Variants in CCNY observed in about 807,000 individuals in gnomAD.
CCNY encodes cyclin-Y.
CCNY carries 19 observed loss-of-function variants against 42.8 expected under a neutral mutation model. The observed-to-expected ratio is 0.44, with a 90% confidence interval of 0.31 to 0.65. The LOEUF (loss-of-function observed/expected upper bound fraction) is 0.65, where lower values mean the gene tolerates loss of function less well. Among genes scored for constraint, CCNY ranks in the 30% least tolerant of loss-of-function variants. The pLI is 0.07. For missense variants in CCNY, 370 were observed against 437.3 expected, an observed-to-expected ratio of 0.85 and a Z score of 1.37; for synonymous variants, 165 against 162.7, an observed-to-expected ratio of 1.01 and a Z score of -0.11.
intron 3 of CCNY, among the ~76,000 whole-genome samples, chr10:35,311,621 T>C (rs991346274): frequency 5.9e-4 from 90 of 151,940 alleles, no homozygotes; most frequent in African/African-American, 2.1e-3. Flanking sequence ...GAGGCTGCAG[T>C]GATCCAAGAT....
chr10:35,525,905 A>G (rs2135418597), intron 4 of CCNY, 59 bp from the exon 5 acceptor site: 3 of 1,437,684 alleles, frequency 2.1e-6, no homozygotes, highest in East Asian at 4.6e-5. Flanking sequence ...GTGGCCAGGT[A>G]ATGTGTAAGG....
intron 1 of CCNY, among the ~76,000 whole-genome samples, chr10:35,472,882 A>G (rs778010203): frequency 2.6e-5 from 4 of 152,240 alleles, no homozygotes; most frequent in Non-Finnish European, 5.9e-5. Context: ...ACAAGTGGTT[A>G]CTACCCCAAA....
At chr10:35,306,729 C>T (rs1397021432) in intron 3 of CCNY, among the ~76,000 whole-genome samples, 1 of 152,132 alleles carries the variant, frequency 6.6e-6, no homozygotes, top group East Asian at 1.9e-4. Context: ...TTTCTTTCCT[C>T]CTTCATTTTC....
chr10:35,350,917 G>A (rs1483560197), intron 1 of CCNY, among the ~76,000 whole-genome samples: 4 of 152,132 alleles, frequency 2.6e-5, no homozygotes, highest in African/African-American at 7.2e-5. Flanking sequence ...TTGTCTCTAA[G>A]TATATTTGAA....
chr10:35,563,901 A>G (rs1841515647), intron 8 of CCNY, among the ~76,000 whole-genome samples: 2 of 143,636 alleles, frequency 1.4e-5, no homozygotes, highest in Admixed American at 7.0e-5. Flanking sequence ...TTTGAGACAG[A>G]GTTTCGCTCT....
At chr10:35,386,720 A>G (rs1011105120) in intron 1 of CCNY, among the ~76,000 whole-genome samples, 11 of 152,194 alleles carry the variant, frequency 7.2e-5, no homozygotes, top group Non-Finnish European at 7.3e-5. Flanking sequence ...TAATCTTCAA[A>G]TGAGGCATTT....
At chr10:35,542,324 C>G (rs1017410738) in intron 7 of CCNY, among the ~76,000 whole-genome samples, 3 of 151,652 alleles carry the variant, frequency 2.0e-5, no homozygotes, top group African/African-American at 7.3e-5. Flanking sequence ...GGTAAAGCAC[C>G]ATTTTTAGCA....
intron 4 of CCNY, 38 bp downstream of exon 4, chr10:35,516,661 C>CTTCCTTTTTTTTTTTTTTT (rs1166900318): frequency 9.2e-6 from 3 of 327,620 alleles, no homozygotes; most frequent in Admixed American, 7.7e-5. Flanking sequence ...TCCTTCCTTC[C>CTTCCTTTTTTTTTTTTTTT]TTTTTTTTTT....
In CCNY at chr10:35,383,895, A is replaced by G. The variant is rs182178186; in HGVS notation, c.154+46688A>G. 4.4e-3 allele frequency among the ~76,000 whole-genome samples: 664 copies of G among 152,252 alleles called. 3 individuals are homozygous for G. Among genetic ancestry groups the G allele is most frequent in the Non-Finnish European group, 6.3e-3 (428 of 68,024 alleles). On this transcript the variant is annotated intron_variant, in intron 1 of 9. Coordinates refer to ENST00000374704, the MANE Select transcript of CCNY (RefSeq NM_145012.6). ...GCAGGTTTCTTTCCTGCACTACTCT[A>G]AGCACTTTATATGGTCAATGGTAAA...
At chr10:35,382,047 A>G (rs1267682535) in intron 1 of CCNY, among the ~76,000 whole-genome samples, 1 of 152,220 alleles carries the variant, frequency 6.6e-6, no homozygotes, top group East Asian at 1.9e-4. Flanking sequence ...AATTTTTTTC[A>G]TACATGGAGG....
intron 3 of CCNY, among the ~76,000 whole-genome samples, chr10:35,505,282 A>C (rs1840192940): frequency 6.6e-6 from 1 of 152,124 alleles, no homozygotes; most frequent in Admixed American, 6.5e-5. Flanking sequence ...GTTAAAAAAA[A>C]AAAAAAGATG....
At chr10:35,317,571 C>G (rs1835774933) in intron 3 of CCNY, among the ~76,000 whole-genome samples, 1 of 152,222 alleles carries the variant, frequency 6.6e-6, no homozygotes, top group Non-Finnish European at 1.5e-5. Context: ...ACCTTTGAAT[C>G]TGGAAGTCTA....
chr10:35,519,904 A>G (rs1840513381), intron 4 of CCNY, among the ~76,000 whole-genome samples: 1 of 147,042 alleles, frequency 6.8e-6, no homozygotes, highest in Non-Finnish European at 1.5e-5. Flanking sequence ...TAGCCTTCCG[A>G]GTAGCTGGGA....
chr10:35,444,761 GAAATT>G (rs1838755210), intron 1 of CCNY, among the ~76,000 whole-genome samples: 1 of 152,200 alleles, frequency 6.6e-6, no homozygotes, highest in Non-Finnish European at 1.5e-5. Context: ...TTTTGCAAAT[GAAATT>G]AGATTTGTAT....
intron 3 of CCNY, among the ~76,000 whole-genome samples, chr10:35,251,409 T>G (rs367738846): frequency 1.3e-5 from 2 of 152,278 alleles, no homozygotes; most frequent in African/African-American, 2.4e-5. Flanking sequence ...ACAGATGGTG[T>G]TGTTTGCTGA....
intron 7 of CCNY, among the ~76,000 whole-genome samples, chr10:35,549,228 C>A (rs1485173904): frequency 1.3e-5 from 2 of 151,982 alleles, no homozygotes; most frequent in East Asian, 3.9e-4. Flanking sequence ...AAATAAGCCA[C>A]AAGGAAGCTT....
intron 1 of CCNY, among the ~76,000 whole-genome samples, chr10:35,471,523 A>C (rs913971818): frequency 2.0e-5 from 3 of 152,216 alleles, no homozygotes; most frequent in Non-Finnish European, 4.4e-5. Flanking sequence ...TCTGTGGAAA[A>C]GACTGAAGAA....
intron 3 of CCNY, among the ~76,000 whole-genome samples, chr10:35,323,058 C>T (rs189572027): frequency 4.6e-5 from 7 of 152,172 alleles, no homozygotes; most frequent in African/African-American, 1.2e-4. Flanking sequence ...TCCCAAGTAG[C>T]GGGATTACAG....
Position 35,349,895 on chromosome 10 carries a change from G to A in CCNY, c.154+12688G>A, listed in dbSNP as rs532681215. ...TGCCTTACAGGCTCTAGGATTCCAGGTGAAAGAGAAATTTAGTAGAGCAAT... is the reference window on the plus strand; with the variant it reads ...TGCCTTACAGGCTCTAGGATTCCAGATGAAAGAGAAATTTAGTAGAGCAAT... On this transcript the variant is annotated intron_variant, in intron 1 of 9. Coordinates refer to ENST00000374704, the MANE Select transcript of CCNY (RefSeq NM_145012.6). Among the ~76,000 whole-genome samples, 89 of 152,360 alleles carry A rather than the reference G, an allele frequency of 5.8e-4. 1 individual carries two copies. In the South Asian group the frequency reaches 0.015, roughly 26 times the overall value.
Sources: allele counts gnomAD v4.1 joint callset (sites outside exome capture counted in the v4.1 genomes callset), GRCh38; gene constraint gnomAD v4.1.1; transcripts MANE v1.5; gene names NCBI Gene and HGNC (gene_info 2026-07-23, HGNC 2026-07-21).